MYOZ3: variants seen among roughly 807,000 people sequenced by gnomAD.
The protein encoded by MYOZ3 is myozenin 3.
In MYOZ3, 19 loss-of-function variants were observed where a neutral mutation model predicts 26.5. The observed-to-expected ratio is 0.72, with a 90% confidence interval of 0.50 to 1.05. The LOEUF (loss-of-function observed/expected upper bound fraction) is 1.05. MYOZ3 is among the 50% of genes least tolerant of loss of function. The pLI is 0.00. For synonymous variants in MYOZ3, 135 were observed against 138.8 expected (o/e 0.97, Z 0.19); for missense variants, 322 against 337.1 (o/e 0.96, Z 0.35).
chr5:150,672,063 G>A lies in MYOZ3; in HGVS notation c.424+155G>A, dbSNP rs1248028809. On this transcript the variant is annotated intron_variant, in intron 5 of 6. Transcript: ENST00000517768. ...ACTCCCCTCGCCAGACCACGAGCCG[G>A]AGGGGCGCCGCGCCCCAGGTCACAC... 8.9e-6 allele frequency: 11 copies of A among 1,231,908 alleles called. No individual in the cohort carries two copies. The African/African-American group carries it at 1.3e-4, about 15-fold the overall frequency. 76.3% of individuals were successfully genotyped at this position (1,231,908 alleles called of 1,614,324 possible). A position where few individuals can be genotyped will look rare whatever the true frequency, so the allele number is the denominator to read the frequency against.
intron 1 of MYOZ3, among the ~76,000 whole-genome samples, chr5:150,662,380 G>A (rs1758747871): frequency 1.3e-5 from 2 of 152,184 alleles, no homozygotes; most frequent in African/African-American, 4.8e-5. Context: ...GCGGGGAGAT[G>A]GGGAGGACGG....
chr5:150,667,746 T>A (rs1001340440), intron 2 of MYOZ3, among the ~76,000 whole-genome samples: 11 of 152,234 alleles, frequency 7.2e-5, no homozygotes, highest in African/African-American at 2.7e-4. Context: ...TCTCTTTCTC[T>A]CTTTTTGACA....
intron 2 of MYOZ3, among the ~76,000 whole-genome samples, chr5:150,669,372 G>A (rs535032225): frequency 7.2e-5 from 11 of 151,878 alleles, no homozygotes; most frequent in African/African-American, 2.4e-4. Context: ...GCTTGAACCC[G>A]GGAGGCGGAG....
At position 150,671,880 on chromosome 5, in the gene MYOZ3, C is replaced by A. The variant is rs778368269; in HGVS notation, c.396C>A (p.Cys132Ter). The A allele has an allele frequency of 1.6e-5, 26 of 1,577,692 alleles. No homozygotes were observed. The highest frequency in any genetic ancestry group is 1.7e-4 in the Middle Eastern group (1 of 5,902). ...GAHPAAAPAG[C>*]VPSPSALAPG... Reference sequence around the variant, plus strand: ...ACCCTGCAGCCGCCCCTGCTGGGTGCGTCCCCAGCCCCAGCGCCCTGGCGC... The same window carrying A: ...ACCCTGCAGCCGCCCCTGCTGGGTGAGTCCCCAGCCCCAGCGCCCTGGCGC... The change falls in exon 5 of 7, where the codon TGC (cysteine) becomes TGA (stop). Residue 132 changes from cysteine (C) to a stop codon, truncating the protein, a stop_gained. Coordinates refer to ENST00000517768, the MANE Select transcript of MYOZ3 (RefSeq NM_001122853.3). LOFTEE classifies it high-confidence loss of function.
intron 6 of MYOZ3, among the ~76,000 whole-genome samples, chr5:150,676,436 C>G (rs968633161): frequency 6.6e-6 from 1 of 150,704 alleles, no homozygotes. Context: ...CCCAGCTACT[C>G]AGGAGGCTGA....
intron 5 of MYOZ3, 81 bp downstream of exon 5, chr5:150,671,989 C>T: frequency 1.4e-6 from 2 of 1,446,634 alleles, no homozygotes; most frequent in South Asian, 2.8e-5. Context: ...AGGAAGAGCA[C>T]CCAGAAGGCT....
At position 150,679,304 on chromosome 5, in the gene MYOZ3, T is replaced by G. The variant is rs1759068050; in HGVS notation, c.*2429T>G. 1 of 151,388 alleles carries G rather than the reference T, an allele frequency of 6.6e-6. No homozygotes were observed. The highest frequency in any genetic ancestry group is 1.5e-5 in the Non-Finnish European group (1 of 67,916). 9.4% of individuals were successfully genotyped at this position (151,388 alleles called of 1,614,324 possible). A position where few individuals can be genotyped will look rare whatever the true frequency, so the allele number is the denominator to read the frequency against. ...CTTCTGAGAATGTGACTTTTTCTGG[T>G]GTTGTAAAAAAGAAAAAAAAAAGAA... On this transcript the variant is annotated 3_prime_UTR_variant, in exon 7 of 7. Transcript: ENST00000517768.
At position 150,671,591 on chromosome 5, in the gene MYOZ3, TC is replaced by T. The variant is rs1221874855; in HGVS notation, c.217-3del. On this transcript the variant is annotated splice_polypyrimidine_tract_variant and splice_region_variant and intron_variant, in intron 3 of 6. Coordinates refer to ENST00000517768, the MANE Select transcript of MYOZ3 (RefSeq NM_001122853.3). ...TCTGCGGTTTATTCTACCCCCTCGTTCCCAGATGCTGGCCGGAAGCGCCAGG... is the reference window on the plus strand; with the variant it reads ...TCTGCGGTTTATTCTACCCCCTCGTTCCAGATGCTGGCCGGAAGCGCCAGG... 1 of 1,613,750 alleles carries T rather than the reference TC, an allele frequency of 6.2e-7. No homozygotes were observed.
chr5:150,675,327 C>T (rs769403142), intron 6 of MYOZ3, among the ~76,000 whole-genome samples: 2 of 152,080 alleles, frequency 1.3e-5, no homozygotes, highest in South Asian at 2.1e-4. Context: ...CATACTAATA[C>T]GTAGAGCTCT....
At chr5:150,665,022 T>TA (rs1168273543) in intron 2 of MYOZ3, among the ~76,000 whole-genome samples, 3 of 151,934 alleles carry the variant, frequency 2.0e-5, no homozygotes, top group Non-Finnish European at 4.4e-5. Flanking sequence ...CTTTGGCTTT[T>TA]TTTTTTTTTC....
rs143703607 is a variant in MYOZ3, at chr5:150,675,064, G to C, written c.588-1643G>C. Among the ~76,000 whole-genome samples, 90 of 152,200 alleles carry C rather than the reference G, an allele frequency of 5.9e-4. 1 individual carries two copies. The East Asian group carries it at 0.016, about 27-fold the overall frequency. On this transcript the variant is annotated intron_variant, in intron 6 of 6. Coordinates refer to ENST00000517768, the MANE Select transcript of MYOZ3 (RefSeq NM_001122853.3). ...AAGTATTATTAAAATCACATACATA[G>C]GTTCTCTTTTAAAAAATGTTAGGCA...
In MYOZ3 at chr5:150,676,833, C is replaced by G; in HGVS notation, c.714C>G (p.Ala238=). 6.2e-7 allele frequency: 1 copy of G among 1,613,604 alleles called. No individual in the cohort carries two copies. Residue 238 remains alanine, a synonymous_variant, in exon 7 of 7, where the codon GCC becomes GCG. Coordinates refer to ENST00000517768, the MANE Select transcript of MYOZ3 (RefSeq NM_001122853.3). The part of the protein sequence containing the change: ...LRLRPSFNRV[A]QGWVRNLPES... Reference sequence around the variant, plus strand: ...TCAGACCCAGCTTCAACAGAGTGGCCCAGGGCTGGGTCCGTAACCTCCCAG... The same window carrying G: ...TCAGACCCAGCTTCAACAGAGTGGCGCAGGGCTGGGTCCGTAACCTCCCAG...
intron 1 of MYOZ3, among the ~76,000 whole-genome samples, chr5:150,662,600 C>A (rs891639455): frequency 2.2e-4 from 34 of 152,194 alleles, no homozygotes; most frequent in Admixed American, 2.2e-3. Flanking sequence ...TGCCTGAGAC[C>A]TTTGCCTGCC....
intron 1 of MYOZ3, among the ~76,000 whole-genome samples, chr5:150,662,092 T>C (rs908115409): frequency 2.0e-5 from 3 of 152,118 alleles, no homozygotes; most frequent in Non-Finnish European, 2.9e-5. Context: ...GGGATACAGA[T>C]GAAGGCAGAT....
At position 150,676,704 on chromosome 5, in the gene MYOZ3, C is replaced by T; in HGVS notation, c.588-3C>T. ...CACCTCTCCTGCTGCTCTCTTTCTC[C>T]AGGACCCCGGTGCCATTTGGAGGAC... is the stretch of plus-strand genomic sequence containing the variant. On this transcript the variant is annotated splice_region_variant and splice_polypyrimidine_tract_variant and intron_variant, in intron 6 of 6. Transcript: ENST00000517768. 1.9e-6 allele frequency: 3 copies of T among 1,613,302 alleles called. No individual in the cohort carries two copies. The highest frequency in any genetic ancestry group is 2.5e-6 in the Non-Finnish European group (3 of 1,179,582).
chr5:150,676,783 C>G lies in MYOZ3; in HGVS notation c.664C>G (p.Leu222Val). The G allele has an allele frequency of 6.2e-7, 1 of 1,614,078 alleles. No homozygotes were observed. The highest frequency in any genetic ancestry group is 1.3e-5 in the African/African-American group (1 of 75,016). The change falls in exon 7 of 7, where the codon CTC becomes GTC. Residue 222 changes from leucine (L) to valine (V), a missense_variant. Physicochemically the swap from Leu to Val is conservative, Grantham distance 32 (BLOSUM62 1). Transcript: ENST00000517768. ...RPGTPFIPEPLSGLELLRLRP... is the reference protein window; with the variant it reads ...RPGTPFIPEPVSGLELLRLRP... ...AGGCACCCCCTTCATCCCGGAGCCCCTCAGTGGCTTGGAACTCCTCCGTCT... is the reference window on the plus strand; with the variant it reads ...AGGCACCCCCTTCATCCCGGAGCCCGTCAGTGGCTTGGAACTCCTCCGTCT...
At chr5:150,665,837 A>T (rs890831237) in intron 2 of MYOZ3, among the ~76,000 whole-genome samples, 3 of 151,996 alleles carry the variant, frequency 2.0e-5, no homozygotes, top group African/African-American at 7.3e-5. Flanking sequence ...GGAGCTCGAG[A>T]CCAGCCTGAC....
chr5:150,672,057 G>T, intron 5 of MYOZ3, 149 bp downstream of exon 5: 2 of 1,261,700 alleles, frequency 1.6e-6, no homozygotes, highest in Non-Finnish European at 2.2e-6. Context: ...GCCAGACCAC[G>T]AGCCGGAGGG....
chr5:150,664,199 T>C (rs993053671), intron 2 of MYOZ3, among the ~76,000 whole-genome samples: 1 of 152,152 alleles, frequency 6.6e-6, no homozygotes, highest in Non-Finnish European at 1.5e-5. Context: ...CATGACTTCA[T>C]ATGTGGCATC....
Sources: gnomAD v4.1 joint callset for allele counts (sites outside exome capture counted in the v4.1 genomes callset) on GRCh38, gnomAD v4.1.1 for gene constraint, MANE v1.5 for transcripts, NCBI Gene and HGNC (gene_info 2026-07-23, HGNC 2026-07-21) for gene names.